The following PCDH15 variants were observed in gnomAD, a reference collection of about 807,000 sequenced individuals.
PCDH15 encodes protocadherin-15.
PCDH15 carries 129 observed loss-of-function variants against 178.5 expected under a neutral mutation model. The ratio of observed to expected loss-of-function variants is 0.72; its 90% confidence interval spans 0.63 to 0.84. PCDH15 has a LOEUF of 0.84. PCDH15 is among the 40% of genes least tolerant of loss of function. The probability of loss-of-function intolerance (pLI) is 0.00; values close to 1 mark genes in which losing one functional copy is unlikely to be tolerated. For missense variants in PCDH15, 2,230 were observed against 2,099.9 expected, an observed-to-expected ratio of 1.06 and a Z score of -1.21; for synonymous variants, 800 against 732.0, an observed-to-expected ratio of 1.09 and a Z score of -1.50.
At chr10:55,094,901 A>G (rs1287849146) in intron 2 of PCDH15, among the ~76,000 whole-genome samples, 1 of 150,606 alleles carries the variant, frequency 6.6e-6, no homozygotes. Context: ...ATGAAAACAC[A>G]CCAAAAAACA....
chr10:54,161,327 T>TA (rs143646734), intron 13 of PCDH15, among the ~76,000 whole-genome samples: 1 of 152,284 alleles, frequency 6.6e-6, no homozygotes, highest in African/African-American at 2.4e-5. Flanking sequence ...GGACTCCATA[T>TA]TTTTTAATTC....
intron 2 of PCDH15, among the ~76,000 whole-genome samples, chr10:54,581,880 G>T (rs2091078086): frequency 6.6e-6 from 1 of 151,920 alleles, no homozygotes; most frequent in Admixed American, 6.6e-5. Flanking sequence ...AATGAAACTG[G>T]ACTCCTACCT....
chr10:55,278,453 G>A (rs1842649582), intron 1 of PCDH15, among the ~76,000 whole-genome samples: 1 of 151,930 alleles, frequency 6.6e-6, no homozygotes, highest in South Asian at 2.1e-4. Flanking sequence ...ACGAACTCCT[G>A]GCCTCAAGTG....
At chr10:54,932,465 G>T (rs187729508) in intron 2 of PCDH15, among the ~76,000 whole-genome samples, 7 of 152,272 alleles carry the variant, frequency 4.6e-5, no homozygotes, top group Admixed American at 4.6e-4. Flanking sequence ...AAATTTAAAA[G>T]TTTATAAAGT....
intron 3 of PCDH15, among the ~76,000 whole-genome samples, chr10:54,877,832 C>T (rs1050351605): frequency 5.3e-5 from 8 of 150,962 alleles, no homozygotes; most frequent in Non-Finnish European, 1.0e-4. Flanking sequence ...ATTTTCTAAG[C>T]ATTATATAAG....
intron 1 of PCDH15, among the ~76,000 whole-genome samples, chr10:54,722,615 A>G (rs1011718390): frequency 6.6e-6 from 1 of 151,330 alleles, no homozygotes; most frequent in African/African-American, 2.4e-5. Context: ...TCTCTGTTAA[A>G]TGATGGCATA....
intron 2 of PCDH15, among the ~76,000 whole-genome samples, chr10:54,958,663 A>G (rs1248955721): frequency 2.0e-5 from 3 of 151,808 alleles, no homozygotes; most frequent in Non-Finnish European, 3.0e-5. Flanking sequence ...AGTATAGTAC[A>G]ACTTACTATA....
At chr10:53,841,437 A>G (rs2077639414) in intron 28 of PCDH15, among the ~76,000 whole-genome samples, 1 of 152,184 alleles carries the variant, frequency 6.6e-6, no homozygotes, top group African/African-American at 2.4e-5. Flanking sequence ...TCAGAAAATA[A>G]CTTTTGCTTC....
At chr10:54,961,759 A>C (rs1319572401) in intron 2 of PCDH15, among the ~76,000 whole-genome samples, 1 of 151,984 alleles carries the variant, frequency 6.6e-6, no homozygotes, top group Non-Finnish European at 1.5e-5. Context: ...GAAAGGTCCT[A>C]ATCACTTTCG....
At chr10:55,086,128 A>G (rs1052593895) in intron 2 of PCDH15, among the ~76,000 whole-genome samples, 2 of 151,922 alleles carry the variant, frequency 1.3e-5, no homozygotes, top group Non-Finnish European at 2.9e-5. Flanking sequence ...AAAATTACCA[A>G]AGATCATAAA....
At chr10:54,678,612 A>C (rs2135599075) in intron 1 of PCDH15, among the ~76,000 whole-genome samples, 1 of 152,300 alleles carries the variant, frequency 6.6e-6, no homozygotes, top group South Asian at 2.1e-4. Flanking sequence ...CGTTCCCTGT[A>C]GATGTTTTCT....
At chr10:54,587,279 A>G (rs866983810) in intron 2 of PCDH15, among the ~76,000 whole-genome samples, 41 of 152,324 alleles carry the variant, frequency 2.7e-4, no homozygotes, top group African/African-American at 9.4e-4. Flanking sequence ...ATTTCTTAAA[A>G]ATAAATAATT....
rs71461206 is a variant in PCDH15 at position 53,846,023 on chromosome 10, T to TACACACACACACACACAC, written c.3807-5545_3807-5528dup. On this transcript the variant is annotated intron_variant, in intron 28 of 37. Coordinates refer to ENST00000644397, the MANE Select transcript of PCDH15 (RefSeq NM_001384140.1). ...AGGTTATATCAATAGTGTATGTGTA[T>TACACACACACACACACAC]ACACACACACACACACACACACACA... is the stretch of plus-strand genomic sequence containing the variant. 8.8e-5 allele frequency among the ~76,000 whole-genome samples: 13 copies of TACACACACACACACACAC among 147,144 alleles called. No homozygotes were observed. The East Asian group carries it at 1.8e-3, about 21-fold the overall frequency.
chr10:54,215,036 C>T lies in PCDH15; in HGVS notation c.986-988G>A, dbSNP rs191801291. Among the ~76,000 whole-genome samples, 262 of 152,264 alleles carry T rather than the reference C, an allele frequency of 1.7e-3. 1 individual carries two copies. Among genetic ancestry groups the T allele is most frequent in the Admixed American group, 2.9e-3 (44 of 15,296 alleles). On this transcript the variant is annotated intron_variant, in intron 9 of 37. Transcript: ENST00000644397. Reference sequence around the variant, plus strand: ...AAATCATAAAATTGTATAGTATATACATTTGTAAAATTAATAACCATAAGA... The same window carrying T: ...AAATCATAAAATTGTATAGTATATATATTTGTAAAATTAATAACCATAAGA...
intron 30 of PCDH15, among the ~76,000 whole-genome samples, chr10:53,829,408 T>C (rs2076890910): frequency 6.6e-6 from 1 of 152,220 alleles, no homozygotes; most frequent in Non-Finnish European, 1.5e-5. Flanking sequence ...CATTGCATAC[T>C]GTGCCAAATA....
chr10:54,046,980 T>G (rs934583306), intron 18 of PCDH15, among the ~76,000 whole-genome samples: 3 of 152,098 alleles, frequency 2.0e-5, no homozygotes, highest in Non-Finnish European at 4.4e-5. Context: ...AAAACTGAAC[T>G]GAACTAAAGT....
chr10:55,463,129 C>T (rs1339039077), intron 2 of PCDH15, among the ~76,000 whole-genome samples: 1 of 149,008 alleles, frequency 6.7e-6, no homozygotes, highest in Non-Finnish European at 1.5e-5. Flanking sequence ...AACCAACCAA[C>T]AAACAAAAAG....
intron 9 of PCDH15, among the ~76,000 whole-genome samples, chr10:54,231,194 G>A (rs1272885941): frequency 6.6e-6 from 1 of 152,180 alleles, no homozygotes; most frequent in African/African-American, 2.4e-5. Context: ...CGGCTCCACT[G>A]CCCTGTGCAA....
chr10:54,009,041 C>T (rs1034380806), intron 20 of PCDH15, among the ~76,000 whole-genome samples: 1 of 152,022 alleles, frequency 6.6e-6, no homozygotes, highest in Non-Finnish European at 1.5e-5. Flanking sequence ...TCAAAGCCCT[C>T]CCTTCAGGCA....
Sources: gnomAD v4.1 joint callset for allele counts (sites outside exome capture counted in the v4.1 genomes callset) on GRCh38, gnomAD v4.1.1 for gene constraint, MANE v1.5 for transcripts, NCBI Gene and HGNC (gene_info 2026-07-23, HGNC 2026-07-21) for gene names.